The following SUCLG2 variants were observed in gnomAD, a reference collection of about 807,000 sequenced individuals.
The protein encoded by SUCLG2 is succinate--CoA ligase [GDP-forming] subunit beta, mitochondrial.
SUCLG2 carries 42 observed loss-of-function variants against 47.9 expected under a neutral mutation model. The ratio of observed to expected loss-of-function variants is 0.88; its 90% CI spans 0.69 to 1.14. The LOEUF (loss-of-function observed/expected upper bound fraction) is 1.14. Ranked by LOEUF, SUCLG2 falls within the 50% of genes most tolerant of loss-of-function variation. SUCLG2 has a pLI of 0.00. For missense variants in SUCLG2, 571 were observed against 525.9 expected, an observed-to-expected ratio of 1.09 and a Z score of -0.84; for synonymous variants, 195 against 197.3, an observed-to-expected ratio of 0.99 and a Z score of 0.10.
At chr3:67,548,270 T>C (rs1706918815) in intron 2 of SUCLG2, among the ~76,000 whole-genome samples, 1 of 152,212 alleles carries the variant, frequency 6.6e-6, no homozygotes, top group Non-Finnish European at 1.5e-5. Flanking sequence ...TTATTACTGA[T>C]TTTTCCCCAA....
At chr3:67,381,511 G>C (rs561408441) in intron 10 of SUCLG2, among the ~76,000 whole-genome samples, 2 of 152,254 alleles carry the variant, frequency 1.3e-5, no homozygotes, top group African/African-American at 2.4e-5. Context: ...GAATTACAAA[G>C]GAAATTGATC....
intron 7 of SUCLG2, among the ~76,000 whole-genome samples, chr3:67,499,606 T>A (rs549590772): frequency 5.3e-4 from 81 of 152,204 alleles, no homozygotes; most frequent in Non-Finnish European, 1.1e-3. Context: ...AGGGAGAGAC[T>A]GCAGTGGAGA....
At chr3:67,522,421 T>C (rs544666327) in intron 4 of SUCLG2, among the ~76,000 whole-genome samples, 2 of 152,194 alleles carry the variant, frequency 1.3e-5, no homozygotes, top group African/African-American at 4.8e-5. Flanking sequence ...TGTATCTTTG[T>C]TCATTTCTTT....
chr3:67,372,804 A>G (rs1404839081), downstream of SUCLG2, among the ~76,000 whole-genome samples: 1 of 152,140 alleles, frequency 6.6e-6, no homozygotes, highest in Admixed American at 6.6e-5. Flanking sequence ...CGTTGCTGTC[A>G]TTTTGGGGGC....
intron 2 of SUCLG2, among the ~76,000 whole-genome samples, chr3:67,597,533 A>G (rs1708320428): frequency 6.6e-6 from 1 of 152,114 alleles, no homozygotes; most frequent in Non-Finnish European, 1.5e-5. Context: ...CGTCCTCCCT[A>G]TCTATTTCTG....
At chr3:67,409,146 A>G in intron 9 of SUCLG2, 1 of 1,252,630 alleles carries the variant, frequency 8.0e-7, no homozygotes. Context: ...AGTTGTCCAG[A>G]GCTCATGGTT....
At chr3:67,485,953 C>T (rs905528277) in intron 9 of SUCLG2, among the ~76,000 whole-genome samples, 18 of 152,268 alleles carry the variant, frequency 1.2e-4, no homozygotes, top group African/African-American at 3.9e-4. Flanking sequence ...TACATTTAGA[C>T]TGGGGGTTTC....
intron 10 of SUCLG2, among the ~76,000 whole-genome samples, chr3:67,366,768 T>C (rs570545617): frequency 6.6e-6 from 1 of 152,202 alleles, no homozygotes; most frequent in Non-Finnish European, 1.5e-5. Context: ...GTTAGCTGCC[T>C]GGAACATGCT....
At chr3:67,478,685 G>C (rs1239473309) in intron 9 of SUCLG2, among the ~76,000 whole-genome samples, 1 of 152,190 alleles carries the variant, frequency 6.6e-6, no homozygotes, top group Non-Finnish European at 1.5e-5. Context: ...GACAGAACAA[G>C]TAAGTGAGTG....
chr3:67,601,651 T>G (rs1184104552), intron 2 of SUCLG2, among the ~76,000 whole-genome samples: 2 of 152,118 alleles, frequency 1.3e-5, no homozygotes, highest in Non-Finnish European at 2.9e-5. Context: ...ACATAACTTC[T>G]TTGCCCATTC....
At chr3:67,639,687 A>T (rs946340190) in intron 1 of SUCLG2, among the ~76,000 whole-genome samples, 2 of 152,166 alleles carry the variant, frequency 1.3e-5, no homozygotes, top group African/African-American at 4.8e-5. Context: ...GGAATTAAGC[A>T]AAGTCACCCT....
chr3:67,459,596 T>C (rs545919593), intron 9 of SUCLG2, among the ~76,000 whole-genome samples: 207 of 152,320 alleles, frequency 1.4e-3, no homozygotes, highest in Admixed American at 3.1e-3. Context: ...AACAGAACTA[T>C]TGGAAGTACT....
chr3:67,628,866 G>A (rs1321398030), intron 1 of SUCLG2, among the ~76,000 whole-genome samples: 1 of 152,086 alleles, frequency 6.6e-6, no homozygotes, highest in Non-Finnish European at 1.5e-5. Flanking sequence ...AACTAATACA[G>A]CAAGTTGGGA....
intron 10 of SUCLG2, chr3:67,376,371 A>T: frequency 1.0e-6 from 1 of 985,442 alleles, no homozygotes; most frequent in South Asian, 4.7e-5. Flanking sequence ...CGGGCAAAGC[A>T]GCCTCTGATG....
intron 2 of SUCLG2, among the ~76,000 whole-genome samples, chr3:67,589,316 TTC>T (rs1708099146): frequency 6.6e-6 from 1 of 152,238 alleles, no homozygotes; most frequent in African/African-American, 2.4e-5. Flanking sequence ...TTACATGGTT[TTC>T]TGTCTTCTCT....
intron 2 of SUCLG2, among the ~76,000 whole-genome samples, chr3:67,601,813 G>T (rs1451236612): frequency 6.6e-6 from 1 of 151,958 alleles, no homozygotes; most frequent in African/African-American, 2.4e-5. Context: ...GAAACCCCGT[G>T]TCTATTAAAA....
intron 2 of SUCLG2, among the ~76,000 whole-genome samples, chr3:67,548,071 A>T (rs1477916321): frequency 6.6e-6 from 1 of 152,144 alleles, no homozygotes; most frequent in Admixed American, 6.5e-5. Flanking sequence ...TCATAATCAC[A>T]GTGTTTGCTA....
chr3:67,503,849 G>C (rs1291893723), intron 7 of SUCLG2, among the ~76,000 whole-genome samples: 1 of 152,194 alleles, frequency 6.6e-6, no homozygotes, highest in Non-Finnish European at 1.5e-5. Flanking sequence ...TTAGTGGCGT[G>C]AGATTCTGTG....
At chr3:67,578,728 T>C (rs1644224274) in intron 2 of SUCLG2, among the ~76,000 whole-genome samples, 1 of 152,114 alleles carries the variant, frequency 6.6e-6, no homozygotes. Flanking sequence ...AGGGTGGAGA[T>C]GAGGAAGAAA....
Sources: allele counts gnomAD v4.1 joint callset (sites outside exome capture counted in the v4.1 genomes callset), GRCh38; gene constraint gnomAD v4.1.1; transcripts MANE v1.5; gene names NCBI Gene and HGNC (gene_info 2026-07-23, HGNC 2026-07-21).